Variants in MLX observed in about 807,000 individuals in gnomAD.
The protein encoded by MLX is max-like protein X.
MLX carries 15 observed loss-of-function variants against 33.0 expected under a neutral mutation model. The ratio of observed to expected loss-of-function variants is 0.45; its 90% CI spans 0.30 to 0.70. The LOEUF (loss-of-function observed/expected upper bound fraction) is 0.70. Ranked by LOEUF, MLX falls within the 30% of genes least tolerant of loss-of-function variation. MLX has a pLI of 0.07. For missense variants in MLX, 285 were observed against 306.3 expected, an observed-to-expected ratio of 0.93 and a Z score of 0.52; for synonymous variants, 115 against 115.6, an observed-to-expected ratio of 0.99 and a Z score of 0.03.
At chr17:42,570,902 G>C (rs967765734) in intron 7 of MLX, among the ~76,000 whole-genome samples, 5 of 151,970 alleles carry the variant, frequency 3.3e-5, no homozygotes, top group Admixed American at 2.0e-4. Context: ...TGATCCACCC[G>C]CCTCGGCCTC....
chr17:42,573,032 A>G lies in MLX; in HGVS notation c.*1429A>G. On this transcript the variant is annotated 3_prime_UTR_variant, in exon 8 of 8. Transcript: ENST00000435881. ...CTCTATCCCAACTTCCTCCTGTGAG[A>G]CAGGGAGACAAGTGAATGAGATGTC... 1 of 1,614,232 alleles carries G rather than the reference A, an allele frequency of 6.2e-7. No individual in the cohort carries two copies. Among genetic ancestry groups the G allele is most frequent in the South Asian group, 1.1e-5 (1 of 91,088 alleles).
intron 2 of MLX, 180 bp downstream of exon 2, chr17:42,567,835 C>T: frequency 1.4e-6 from 1 of 717,622 alleles, no homozygotes; most frequent in South Asian, 1.8e-5. Context: ...ACCTAGTTCC[C>T]TCTGCTCTGG....
chr17:42,573,087 AG>A lies in MLX; in HGVS notation c.*1486del. The A allele has an allele frequency of 6.2e-7, 1 of 1,614,150 alleles. No homozygotes were observed. Among genetic ancestry groups the A allele is most frequent in the African/African-American group, 1.3e-5 (1 of 74,992 alleles). Reference sequence around the variant, plus strand: ...GGATAAGACCACAGGGAAGCAAAGAAGGAAGAGAGCTCCACTTACAAAGAAC... The same window carrying A: ...GGATAAGACCACAGGGAAGCAAAGAAGAAGAGAGCTCCACTTACAAAGAAC... On this transcript the variant is annotated 3_prime_UTR_variant, in exon 8 of 8. Coordinates refer to ENST00000435881, the MANE Select transcript of MLX (RefSeq NM_198204.2).
intron 1 of MLX, chr17:42,567,395 G>C: frequency 1.6e-5 from 22 of 1,413,206 alleles, no homozygotes; most frequent in Non-Finnish European, 2.0e-5. Flanking sequence ...GAGTAGGGGC[G>C]GAAGGGATCA....
Position 42,572,917 on chromosome 17 carries a change from TCTCA to T in MLX, c.*1318_*1321del. Reference sequence around the variant, plus strand: ...AAAACAAGGTAGCCAGTGCAAGACATCTCACTCTTCTGACATCCTGCAGTCCCCA... The same window carrying T: ...AAAACAAGGTAGCCAGTGCAAGACATCTCTTCTGACATCCTGCAGTCCCCA... On this transcript the variant is annotated 3_prime_UTR_variant, in exon 8 of 8. Transcript: ENST00000435881. The T allele has an allele frequency of 6.3e-7, 1 of 1,598,366 alleles. No individual in the cohort carries two copies. The highest frequency in any genetic ancestry group is 8.6e-7 in the Non-Finnish European group (1 of 1,166,780).
chr17:42,567,560 G>A, intron 1 of MLX, 59 bp from the exon 2 acceptor site: 1 of 1,611,476 alleles, frequency 6.2e-7, no homozygotes, highest in East Asian at 2.2e-5. Flanking sequence ...TGCAGTGGAA[G>A]GGGCGCCTCC....
At position 42,571,605 on chromosome 17, in the gene MLX, C is replaced by A. The variant is rs202200894; in HGVS notation, c.*2C>A. 3.3e-5 allele frequency: 54 copies of A among 1,613,694 alleles called. No individual in the cohort carries two copies. The highest frequency in any genetic ancestry group is 5.0e-5 in the Admixed American group (3 of 60,012). On this transcript the variant is annotated 3_prime_UTR_variant, in exon 8 of 8. Transcript: ENST00000435881. The stretch of plus-strand genomic sequence containing the variant: ...CAATTGAAAAACCAGCTTTACTGAC[C>A]GGTTCTTGGAAACCTGGAGAACAGC...
rs145447205 is a variant in MLX, at chr17:42,571,763, G to A, written c.*160G>A. The stretch of plus-strand genomic sequence containing the variant: ...TTCCCAGCCCCATTTTATCTTCAGC[G>A]GAGCCGCGGTGTTTGTTTTGTGAAA... On this transcript the variant is annotated 3_prime_UTR_variant, in exon 8 of 8. Coordinates refer to ENST00000435881, the MANE Select transcript of MLX (RefSeq NM_198204.2). The A allele has an allele frequency of 6.4e-4, 436 of 680,768 alleles. 2 individuals are homozygous for A. In the African/African-American group the frequency reaches 6.8e-3, roughly 11 times the overall value. The allele number at this position is 680,768 out of a possible 1,614,324, so 42.2% of individuals were successfully genotyped here.
At position 42,572,573 on chromosome 17, in the gene MLX, C is replaced by G. The variant is rs746658522; in HGVS notation, c.*970C>G. ...GGCCCTCCAAATGCTCGTTTTATAG[C>G]AACCTCTCTCTACCCTAGTTCTCCA... On this transcript the variant is annotated 3_prime_UTR_variant, in exon 8 of 8. Transcript: ENST00000435881. 2 of 453,804 alleles carry G rather than the reference C, an allele frequency of 4.4e-6. No individual in the cohort carries two copies. The highest frequency in any genetic ancestry group is 3.1e-5 in the South Asian group (2 of 64,144). 28.1% of individuals were successfully genotyped at this position (453,804 alleles called of 1,614,324 possible). A position where few individuals can be genotyped will look rare whatever the true frequency, so the allele number is the denominator to read the frequency against.
Position 42,570,143 on chromosome 17 carries a change from C to T in MLX, c.638C>T (p.Ala213Val), listed in dbSNP as rs1248932634. Residue 213 changes from alanine to valine, a missense_variant, in exon 7 of 8, where the codon GCG (alanine) becomes GTG (valine). By Grantham distance (64) the Ala-to-Val change is moderately conservative (BLOSUM62 0). Transcript: ENST00000435881. ...GTGGCCAGCTTCCAGGAGCTGTCAG[C>T]GTGTGTCTTCAGCTGGATCGAGGAG... ...ISVASFQELS[A>V]CVFSWIEEHC... 2.5e-6 allele frequency: 4 copies of T among 1,613,952 alleles called. No homozygotes were observed. Among genetic ancestry groups the T allele is most frequent in the African/African-American group, 1.3e-5 (1 of 74,894 alleles).
In MLX at chr17:42,568,575, C is replaced by A. The variant is rs768976414; in HGVS notation, c.169+16C>A. The A allele has an allele frequency of 6.2e-7, 1 of 1,605,670 alleles. No homozygotes were observed. The highest frequency in any genetic ancestry group is 1.3e-5 in the African/African-American group (1 of 74,794). ...CCCAACACAGGTAGGCAGTAACATC[C>A]CCCCCGACCTCGGGGGGCTCAGATA... On this transcript the variant is annotated intron_variant, in intron 3 of 7. Coordinates refer to ENST00000435881, the MANE Select transcript of MLX (RefSeq NM_198204.2).
chr17:42,567,871 C>T (rs1293139452), intron 2 of MLX: 1 of 609,514 alleles, frequency 1.6e-6, no homozygotes, highest in Non-Finnish European at 2.9e-6. Flanking sequence ...GAACTGATCA[C>T]TCACCACTCA....
At chr17:42,569,864 AC>A in intron 6 of MLX, 117 bp from the exon 7 acceptor site, 1 of 971,140 alleles carries the variant, frequency 1.0e-6, no homozygotes. Context: ...CTGATACTGA[AC>A]CCCACCCAGA....
intron 2 of MLX, chr17:42,568,184 AC>A (rs1256213430): frequency 1.4e-5 from 3 of 211,264 alleles, no homozygotes; most frequent in Non-Finnish European, 2.9e-5. Flanking sequence ...ACACGGTGAA[AC>A]CCCGTCTCCA....
intron 1 of MLX, 144 bp from the exon 2 acceptor site, chr17:42,567,475 C>A (rs2093012923): frequency 2.1e-6 from 3 of 1,448,042 alleles, no homozygotes; most frequent in African/African-American, 1.4e-5. Context: ...TGCCCGCGCA[C>A]CCCGGGCTGT....
rs758848942 is a variant in MLX at position 42,568,869 on chromosome 17, T to C, written c.202T>C (p.Tyr68His). 6 of 1,611,312 alleles carry C rather than the reference T, an allele frequency of 3.7e-6. No individual in the cohort carries two copies. Among genetic ancestry groups the C allele is most frequent in the Non-Finnish European group, 5.1e-6 (6 of 1,178,658 alleles). The change falls in exon 4 of 8, where the codon TAC (tyrosine) becomes CAC (histidine). Residue 68 changes from tyrosine (Y) to histidine (H), a missense_variant. Physicochemically the swap from Tyr to His is moderately conservative, Grantham distance 83. Coordinates refer to ENST00000435881, the MANE Select transcript of MLX (RefSeq NM_198204.2). ...DEDSDYHQEA[Y>H]KESYKDRRRR... The stretch of plus-strand genomic sequence containing the variant: ...GGACAGTGATTACCACCAGGAGGCC[T>C]ACAAGGAGTCCTACAAAGACCGGCG...
chr17:42,567,643 A>T lies in MLX; in HGVS notation c.67A>T (p.Ser23Cys), dbSNP rs1336621949. 1.9e-6 allele frequency: 3 copies of T among 1,614,066 alleles called. No homozygotes were observed. Reference protein sequence around the residue: ...VKVEYAYSDNSLDPGLFVEST... With the variant: ...VKVEYAYSDNCLDPGLFVEST... ...GGTGGAGTATGCCTACAGCGACAACAGCCTGGACCCCGGTGAGTAGCTGCC... is the reference window on the plus strand; with the variant it reads ...GGTGGAGTATGCCTACAGCGACAACTGCCTGGACCCCGGTGAGTAGCTGCC... Residue 23 changes from serine (S) to cysteine (C), a missense_variant, in exon 2 of 8, where the codon AGC becomes TGC. Transcript: ENST00000435881.
chr17:42,572,697 C>T lies in MLX; in HGVS notation c.*1094C>T, dbSNP rs1266448885. Reference sequence around the variant, plus strand: ...TAAAATTAAATTATAATAAATATTGCCAAATGCTTTCCTTTAGCATTGTTC... The same window carrying T: ...TAAAATTAAATTATAATAAATATTGTCAAATGCTTTCCTTTAGCATTGTTC... On this transcript the variant is annotated 3_prime_UTR_variant, in exon 8 of 8. Transcript: ENST00000435881. The T allele has an allele frequency of 3.9e-6, 2 of 519,376 alleles. No homozygotes were observed. Among genetic ancestry groups the T allele is most frequent in the Admixed American group, 4.5e-5 (2 of 44,430 alleles). 32.2% of individuals were successfully genotyped at this position (519,376 alleles called of 1,614,324 possible). A position where few individuals can be genotyped will look rare whatever the true frequency, so the allele number is the denominator to read the frequency against.
At chr17:42,569,876 A>C in intron 6 of MLX, 106 bp from the exon 7 acceptor site, 2 of 1,102,516 alleles carry the variant, frequency 1.8e-6, no homozygotes, top group Non-Finnish European at 2.7e-6. Flanking sequence ...CCCACCCAGA[A>C]GCTCTCTGGG....
Sources: allele counts gnomAD v4.1 joint callset (sites outside exome capture counted in the v4.1 genomes callset), GRCh38; gene constraint gnomAD v4.1.1; transcripts MANE v1.5; gene names NCBI Gene and HGNC (gene_info 2026-07-23, HGNC 2026-07-21).